Variants in TTC28 observed in about 807,000 individuals in gnomAD.
TTC28 encodes the protein tetratricopeptide repeat domain 28.
In TTC28, 61 loss-of-function variants were observed where a neutral mutation model predicts 198.0. That is an observed-to-expected ratio of 0.31 (90% CI 0.25 to 0.38). The LOEUF (loss-of-function observed/expected upper bound fraction) is 0.38. Among genes scored for constraint, TTC28 ranks in the 10% least tolerant of loss-of-function variants. TTC28 has a pLI of 1.00. For synonymous variants in TTC28, 1,171 were observed against 1,297.8 expected (o/e 0.90, Z 2.10); for missense variants, 2,678 against 3,164.0 (o/e 0.85, Z 3.69).
At chr22:28,553,549 G>A (rs934628513) in intron 2 of TTC28, among the ~76,000 whole-genome samples, 1 of 149,710 alleles carries the variant, frequency 6.7e-6, no homozygotes, top group Non-Finnish European at 1.5e-5. Flanking sequence ...CCTCTGCCTG[G>A]CAGCCACCCC....
At chr22:28,225,986 T>A (rs1024775990) in intron 5 of TTC28, among the ~76,000 whole-genome samples, 1 of 152,250 alleles carries the variant, frequency 6.6e-6, no homozygotes, top group Non-Finnish European at 1.5e-5. Flanking sequence ...TTTTTATTAG[T>A]GAGAAGTATT....
At chr22:28,282,479 G>T (rs532760049) in intron 5 of TTC28, among the ~76,000 whole-genome samples, 1 of 152,240 alleles carries the variant, frequency 6.6e-6, no homozygotes, top group South Asian at 2.1e-4. Context: ...GCCACATTAG[G>T]CTATTTTTGC....
At chr22:28,381,020 G>A (rs532434274) in intron 2 of TTC28, among the ~76,000 whole-genome samples, 2 of 151,776 alleles carry the variant, frequency 1.3e-5, no homozygotes, top group South Asian at 4.2e-4. Context: ...TATTCATCTT[G>A]GTATTAGACA....
In TTC28 at chr22:28,094,101, C is replaced by T; in HGVS notation, c.3911G>A (p.Gly1304Glu). The T allele has an allele frequency of 1.9e-6, 3 of 1,549,588 alleles. No individual in the cohort carries two copies. Among genetic ancestry groups the T allele is most frequent in the Non-Finnish European group, 2.6e-6 (3 of 1,146,296 alleles). The part of the protein sequence containing the change: ...QHIASVREAL[G>E]VESHYSRACA... ...CTACCTTGAGTAGTGAGACTCCACC[C>T]CCAGGGCCTCCCGGACACTGGCAAT... The change falls in exon 12 of 23, where the codon GGG becomes GAG. Residue 1304 changes from glycine to glutamate, a missense_variant. By Grantham distance (98) the Gly-to-Glu change is moderately conservative. Coordinates refer to ENST00000397906, the MANE Select transcript of TTC28 (RefSeq NM_001145418.2).
At chr22:28,330,600 T>C (rs1013267383) in intron 2 of TTC28, among the ~76,000 whole-genome samples, 1 of 152,192 alleles carries the variant, frequency 6.6e-6, no homozygotes, top group Non-Finnish European at 1.5e-5. Flanking sequence ...GTATTATTTG[T>C]TGACAAGTTT....
intron 6 of TTC28, among the ~76,000 whole-genome samples, chr22:28,114,858 T>C (rs1290606370): frequency 6.6e-6 from 1 of 152,212 alleles, no homozygotes; most frequent in Non-Finnish European, 1.5e-5. Flanking sequence ...AGCACTGGGA[T>C]TGCAGGGGTA....
At chr22:28,418,031 T>A (rs1368286676) in intron 2 of TTC28, among the ~76,000 whole-genome samples, 1 of 152,182 alleles carries the variant, frequency 6.6e-6, no homozygotes, top group African/African-American at 2.4e-5. Flanking sequence ...TTAAATAAAG[T>A]ACAAGTATAA....
chr22:28,662,309 TG>T (rs1324129597), intron 1 of TTC28, among the ~76,000 whole-genome samples: 7 of 152,208 alleles, frequency 4.6e-5, no homozygotes, highest in Non-Finnish European at 7.3e-5. Context: ...TAGTTATAAT[TG>T]ATCACTATTT....
At chr22:28,346,153 A>G (rs1601665400) in intron 2 of TTC28, among the ~76,000 whole-genome samples, 2 of 152,310 alleles carry the variant, frequency 1.3e-5, no homozygotes, top group South Asian at 4.2e-4. Flanking sequence ...GAGATTCAAG[A>G]GGGTAAATAA....
intron 1 of TTC28, among the ~76,000 whole-genome samples, chr22:28,679,343 G>A (rs2052053238): frequency 6.6e-6 from 1 of 152,170 alleles, no homozygotes; most frequent in African/African-American, 2.4e-5. Flanking sequence ...CGCATTAGGC[G>A]CTGACTGTAT....
intron 2 of TTC28, among the ~76,000 whole-genome samples, chr22:28,435,860 T>C (rs1474147503): frequency 2.0e-5 from 3 of 152,194 alleles, no homozygotes; most frequent in African/African-American, 7.2e-5. Context: ...GAGTAAAGAT[T>C]TAGTCTGGTG....
rs1569065080 is a variant in TTC28 at position 27,983,249 on chromosome 22, TAG to T, written c.6416_6417del (p.Ser2139Ter). ...ASSDTGESDQ[S>X]STETDSTVKS... ...TTCACGGTACTGTCCGTTTCTGTGC[TAG>T]ACTGGTCTGATTCTCCTGTATCTGA... is the stretch of plus-strand genomic sequence containing the variant. On this transcript the variant is annotated frameshift_variant, in exon 23 of 23. Transcript: ENST00000397906. LOFTEE classifies it low-confidence loss of function (END_TRUNC). 6.4e-7 allele frequency: 1 copy of T among 1,551,992 alleles called. No homozygotes were observed. Among genetic ancestry groups the T allele is most frequent in the Non-Finnish European group, 8.7e-7 (1 of 1,147,064 alleles).
chr22:28,072,114 G>A (rs1941007645), intron 12 of TTC28, among the ~76,000 whole-genome samples: 1 of 152,356 alleles, frequency 6.6e-6, no homozygotes, highest in Non-Finnish European at 1.5e-5. Context: ...CACAGGAGTG[G>A]AAGTGGATAG....
At chr22:28,467,635 C>G (rs1601434230) in intron 2 of TTC28, among the ~76,000 whole-genome samples, 1 of 152,250 alleles carries the variant, frequency 6.6e-6, no homozygotes, top group Non-Finnish European at 1.5e-5. Context: ...TTAGTCTTCA[C>G]TATGGAATTG....
chr22:27,993,342 G>A lies in TTC28; in HGVS notation c.5421C>T (p.Thr1807=). 6.4e-7 allele frequency: 1 copy of A among 1,550,520 alleles called. No homozygotes were observed. The highest frequency in any genetic ancestry group is 2.4e-5 in the East Asian group (1 of 40,922). The change falls in exon 18 of 23, where the codon ACC becomes ACT. Residue 1807 remains threonine, a synonymous_variant. Coordinates refer to ENST00000397906, the MANE Select transcript of TTC28 (RefSeq NM_001145418.2). ...SGLPAAVFFP[T]SDPGDRLQQC... ...GCTGGAGCCGGTCGCCCGGGTCGGA[G>A]GTTGGGAAGAAGACAGCCGCTGGCA...
At chr22:27,999,348 GCT>G (rs1937613543) in intron 15 of TTC28, 88 bp from the exon 16 acceptor site, 1 of 1,451,858 alleles carries the variant, frequency 6.9e-7, no homozygotes, top group African/African-American at 1.4e-5. Flanking sequence ...GGGACGGCCA[GCT>G]CTCTGCTGGT....
At chr22:28,231,016 C>T (rs994302106) in intron 5 of TTC28, among the ~76,000 whole-genome samples, 11 of 152,084 alleles carry the variant, frequency 7.2e-5, no homozygotes, top group Non-Finnish European at 4.4e-5. Flanking sequence ...TTGGGTGATG[C>T]CCAAGTTATC....
chr22:28,038,622 G>A (rs896891861), intron 12 of TTC28, among the ~76,000 whole-genome samples: 4 of 152,184 alleles, frequency 2.6e-5, no homozygotes, highest in African/African-American at 9.7e-5. Flanking sequence ...AGGACTTCAT[G>A]TCTAAAACAC....
At chr22:28,125,023 AG>A (rs1326659473) in intron 6 of TTC28, among the ~76,000 whole-genome samples, 4 of 152,200 alleles carry the variant, frequency 2.6e-5, no homozygotes, top group Non-Finnish European at 4.4e-5. Flanking sequence ...TGCATACCCT[AG>A]AAAAATAATA....
Sources: gnomAD v4.1 joint callset for allele counts (sites outside exome capture counted in the v4.1 genomes callset) on GRCh38, gnomAD v4.1.1 for gene constraint, MANE v1.5 for transcripts, NCBI Gene and HGNC (gene_info 2026-07-23, HGNC 2026-07-21) for gene names.